ADAMTSL1: variants seen among roughly 807,000 people sequenced by gnomAD.
ADAMTSL1 encodes ADAMTS-like protein 1.
ADAMTSL1 carries 126 observed loss-of-function variants against 201.8 expected under a neutral mutation model. The ratio of observed to expected loss-of-function variants is 0.62; its 90% CI spans 0.54 to 0.72. ADAMTSL1 has a LOEUF of 0.72. Ranked by LOEUF, ADAMTSL1 falls within the 30% of genes least tolerant of loss-of-function variation. The pLI is 0.00. For missense variants in ADAMTSL1, 2,679 were observed against 2,277.8 expected (o/e 1.18, Z -3.59); for synonymous variants, 1,121 against 903.4 (o/e 1.24, Z -4.32).
At chr9:18,671,238 C>G (rs183385508) in intron 9 of ADAMTSL1, among the ~76,000 whole-genome samples, 11 of 152,044 alleles carry the variant, frequency 7.2e-5, no homozygotes, top group African/African-American at 2.4e-4. Flanking sequence ...AGAAGGAGAG[C>G]GAATTTCTGG....
chr9:18,399,466 C>T (rs1481745637), intron 2 of ADAMTSL1, among the ~76,000 whole-genome samples: 2 of 151,116 alleles, frequency 1.3e-5, no homozygotes, highest in African/African-American at 2.4e-5. Context: ...CTCAGCCTCC[C>T]AAGTAGCTGG....
In ADAMTSL1 at chr9:18,777,782, C is replaced by A; in HGVS notation, c.3553C>A (p.Leu1185Met). The change falls in exon 19 of 29, where the codon CTG (leucine) becomes ATG (methionine). Residue 1185 changes from leucine (L) to methionine (M), a missense_variant. Physicochemically the swap from Leu to Met is conservative, Grantham distance 15. Transcript: ENST00000380548. ...QLSASEVVTH[L>M]GQTVALASGT... Reference sequence around the variant, plus strand: ...CTCAGCCTCGGAGGTGGTCACCCACCTGGGGCAGACGGTGGCCCTGGCCAG... The same window carrying A: ...CTCAGCCTCGGAGGTGGTCACCCACATGGGGCAGACGGTGGCCCTGGCCAG... 6.2e-7 allele frequency: 1 copy of A among 1,613,788 alleles called. No homozygotes were observed. The highest frequency in any genetic ancestry group is 2.2e-5 in the East Asian group (1 of 44,864).
intron 1 of ADAMTSL1, among the ~76,000 whole-genome samples, chr9:18,017,607 G>A (rs1391376243): frequency 2.0e-5 from 3 of 151,846 alleles, no homozygotes; most frequent in Admixed American, 2.0e-4. Flanking sequence ...GAGCATTTTT[G>A]TTGGAAATCC....
At chr9:18,322,978 A>G (rs1458973472) in intron 2 of ADAMTSL1, among the ~76,000 whole-genome samples, 1 of 152,214 alleles carries the variant, frequency 6.6e-6, no homozygotes, top group Non-Finnish European at 1.5e-5. Context: ...AAGAGCTAAT[A>G]CCAATCTTAC....
chr9:17,969,432 G>T (rs911764575), intron 1 of ADAMTSL1, among the ~76,000 whole-genome samples: 1 of 152,038 alleles, frequency 6.6e-6, no homozygotes, highest in African/African-American at 2.4e-5. Flanking sequence ...GGTGTCTGGT[G>T]TCAGACACAT....
chr9:18,001,974 G>A (rs1819629018), intron 1 of ADAMTSL1, among the ~76,000 whole-genome samples: 1 of 151,986 alleles, frequency 6.6e-6, no homozygotes, highest in African/African-American at 2.4e-5. Flanking sequence ...GTGCAGAATG[G>A]TTTGGGTGAG....
intron 1 of ADAMTSL1, among the ~76,000 whole-genome samples, chr9:18,072,407 G>A (rs888981301): frequency 1.3e-5 from 2 of 152,102 alleles, no homozygotes; most frequent in African/African-American, 4.8e-5. Flanking sequence ...TGGATCATTT[G>A]CCTGCATCTT....
At chr9:17,990,640 C>T (rs961992645) in intron 1 of ADAMTSL1, among the ~76,000 whole-genome samples, 2 of 151,942 alleles carry the variant, frequency 1.3e-5, no homozygotes, top group Non-Finnish European at 2.9e-5. Context: ...ATTATTAAGA[C>T]CTGTTTTTAA....
intron 1 of ADAMTSL1, among the ~76,000 whole-genome samples, chr9:18,485,310 A>G (rs1821932247): frequency 6.6e-6 from 1 of 152,218 alleles, no homozygotes; most frequent in East Asian, 1.9e-4. Context: ...AAAAAAAATA[A>G]CTAAACACAT....
At chr9:18,879,298 G>T (rs923677335) in intron 23 of ADAMTSL1, among the ~76,000 whole-genome samples, 10 of 152,150 alleles carry the variant, frequency 6.6e-5, no homozygotes, top group African/African-American at 2.4e-4. Context: ...TTAGAAAACT[G>T]AGACCAGAGA....
intron 26 of ADAMTSL1, 139 bp downstream of exon 26, chr9:18,892,735 T>A: frequency 9.8e-7 from 1 of 1,017,166 alleles, no homozygotes; most frequent in African/African-American, 1.6e-5. Context: ...CTTTTGTGGG[T>A]TGTCCAGCTG....
chr9:18,165,141 A>AT (rs909650327), intron 2 of ADAMTSL1, among the ~76,000 whole-genome samples: 3 of 151,828 alleles, frequency 2.0e-5, no homozygotes, highest in African/African-American at 4.8e-5. Flanking sequence ...GGACCTACAC[A>AT]TTGTCACCTA....
At position 18,295,195 on chromosome 9, in the gene ADAMTSL1, G is replaced by A. The variant is rs538600009; in HGVS notation, c.207+131214G>A. Among the ~76,000 whole-genome samples, 106 of 152,240 alleles carry A rather than the reference G, an allele frequency of 7.0e-4. No individual in the cohort carries two copies. In the South Asian group the frequency reaches 0.02, roughly 29 times the overall value. ...CCCAAAAGTGATGAGTTCATTAATT[G>A]TGGCAATGAGGGCCCAGGTCAGTAA... On this transcript the variant is annotated intron_variant, in intron 2 of 29. Coordinates refer to the ADAMTSL1 transcript ENST00000680146.
At chr9:18,121,838 C>G (rs1438917676) in intron 1 of ADAMTSL1, among the ~76,000 whole-genome samples, 3 of 152,116 alleles carry the variant, frequency 2.0e-5, no homozygotes, top group East Asian at 3.9e-4. Flanking sequence ...TACTACCAAA[C>G]TGACTCTGCA....
At chr9:18,486,988 T>A (rs147355435) in intron 1 of ADAMTSL1, among the ~76,000 whole-genome samples, 1 of 152,306 alleles carries the variant, frequency 6.6e-6, no homozygotes, top group East Asian at 1.9e-4. Context: ...AACATAGGCA[T>A]CACACGTGAA....
intron 2 of ADAMTSL1, among the ~76,000 whole-genome samples, chr9:18,260,415 G>A (rs544568088): frequency 6.6e-6 from 1 of 152,342 alleles, no homozygotes; most frequent in East Asian, 1.9e-4. Context: ...CCGCAAACAT[G>A]ACTGTCTCGG....
chr9:17,942,834 A>T (rs1210590505), intron 1 of ADAMTSL1, among the ~76,000 whole-genome samples: 1 of 152,140 alleles, frequency 6.6e-6, no homozygotes, highest in Non-Finnish European at 1.5e-5. Context: ...CTTTTTACCA[A>T]CTGGTATGGG....
chr9:18,484,292 T>C (rs1024637818), intron 1 of ADAMTSL1, among the ~76,000 whole-genome samples: 3 of 152,204 alleles, frequency 2.0e-5, no homozygotes, highest in African/African-American at 7.2e-5. Flanking sequence ...GTTGCTGTCA[T>C]GATATTATTT....
intron 1 of ADAMTSL1, among the ~76,000 whole-genome samples, chr9:18,024,168 G>T (rs1415386218): frequency 6.6e-6 from 1 of 151,844 alleles, no homozygotes; most frequent in East Asian, 1.9e-4. Context: ...CTTGATAATT[G>T]TAAATGTTTT....
Sources: allele counts gnomAD v4.1 joint callset (sites outside exome capture counted in the v4.1 genomes callset), GRCh38; gene constraint gnomAD v4.1.1; transcripts MANE v1.5; gene names NCBI Gene and HGNC (gene_info 2026-07-23, HGNC 2026-07-21).